SMPD3: variants seen among roughly 807,000 people sequenced by gnomAD.
SMPD3 encodes the protein nSMase-2.
Under a neutral mutation model 55.7 loss-of-function variants are expected in SMPD3, and 21 were observed. The observed-to-expected ratio is 0.38, with a 90% CI of 0.27 to 0.54. SMPD3 has a LOEUF of 0.54. Among genes scored for constraint, SMPD3 ranks in the 20% least tolerant of loss-of-function variants. The pLI, the probability that SMPD3 is intolerant of heterozygous loss-of-function variation, is 0.80. For missense variants in SMPD3, 842 were observed against 899.6 expected (o/e 0.94, Z 0.82); for synonymous variants, 457 against 404.3 (o/e 1.13, Z -1.56).
chr16:68,385,623 AC>A (rs1477833350), intron 2 of SMPD3, among the ~76,000 whole-genome samples: 1 of 152,012 alleles, frequency 6.6e-6, no homozygotes, highest in Non-Finnish European at 1.5e-5. Context: ...CACCCTGGCA[AC>A]CCTGACAACG....
At chr16:68,363,123 C>T (rs549337920) in intron 7 of SMPD3, among the ~76,000 whole-genome samples, 3 of 152,266 alleles carry the variant, frequency 2.0e-5, no homozygotes, top group African/African-American at 7.2e-5. Flanking sequence ...GCCAGGCTGC[C>T]TTCAGCAGGC....
Position 68,359,357 on chromosome 16 carries a change from G to C in SMPD3, c.*1849C>G, listed in dbSNP as rs545317412. 6.6e-6 allele frequency: 1 copy of C among 152,416 alleles called. No individual in the cohort carries two copies. The highest frequency in any genetic ancestry group is 1.5e-5 in the Non-Finnish European group (1 of 68,128). The allele number at this position is 152,416 out of a possible 1,614,324, so 9.4% of individuals were successfully genotyped here. On this transcript the variant is annotated 3_prime_UTR_variant, in exon 9 of 9. Coordinates refer to ENST00000219334, the MANE Select transcript of SMPD3 (RefSeq NM_018667.4). ...GGGCAGAGAGCCCAGCAGGATGCTC[G>C]CCCTCAGCAGCCCCTTCCTGGCTCT... is the stretch of plus-strand genomic sequence containing the variant.
Position 68,371,695 on chromosome 16 carries a change from C to T in SMPD3, c.487G>A (p.Ala163Thr), listed in dbSNP as rs371968328. The change falls in exon 3 of 9, where the codon GCC becomes ACC. Residue 163 changes from alanine to threonine, a missense_variant. Coordinates refer to ENST00000219334, the MANE Select transcript of SMPD3 (RefSeq NM_018667.4). ...ATGTAAATTTTGATCTGGGGCCGGG[C>T]GGCCCCATTGCGGATTCTCTGCCCG... is the stretch of plus-strand genomic sequence containing the variant. Reference protein sequence around the residue: ...EIGQRIRNGAARPQIKIYIDS... With the variant: ...EIGQRIRNGATRPQIKIYIDS... The T allele has an allele frequency of 5.6e-5, 89 of 1,576,336 alleles. No individual in the cohort carries two copies. Among genetic ancestry groups the T allele is most frequent in the East Asian group, 9.0e-5 (4 of 44,460 alleles).
chr16:68,423,526 C>T (rs2090412991), intron 1 of SMPD3, among the ~76,000 whole-genome samples: 1 of 152,170 alleles, frequency 6.6e-6, no homozygotes, highest in Non-Finnish European at 1.5e-5. Flanking sequence ...AGACCCTCAT[C>T]AGATGCGACC....
At chr16:68,443,779 A>G (rs1046190753) in intron 1 of SMPD3, among the ~76,000 whole-genome samples, 1 of 152,276 alleles carries the variant, frequency 6.6e-6, no homozygotes, top group Non-Finnish European at 1.5e-5. Context: ...GCATTTGATT[A>G]TAAACTTACA....
intron 1 of SMPD3, among the ~76,000 whole-genome samples, chr16:68,443,309 C>T (rs188929646): frequency 9.9e-5 from 15 of 152,238 alleles, no homozygotes; most frequent in African/African-American, 3.6e-4. Context: ...TTGGCTGAGG[C>T]CCACACAGTG....
chr16:68,363,001 T>C (rs956518768), intron 7 of SMPD3, among the ~76,000 whole-genome samples: 8 of 152,252 alleles, frequency 5.3e-5, no homozygotes, highest in African/African-American at 1.9e-4. Flanking sequence ...TATGGACATC[T>C]TACTGGGCTC....
chr16:68,430,949 G>A (rs2090475164), intron 1 of SMPD3, among the ~76,000 whole-genome samples: 2 of 152,298 alleles, frequency 1.3e-5, no homozygotes, highest in Admixed American at 1.3e-4. Context: ...CATTGTTGCT[G>A]GAAGCCAGGT....
At chr16:68,377,399 A>T (rs987096584) in intron 2 of SMPD3, among the ~76,000 whole-genome samples, 1 of 152,244 alleles carries the variant, frequency 6.6e-6, no homozygotes, top group African/African-American at 2.4e-5. Flanking sequence ...GGTGTGTGGC[A>T]TTGACAGCCG....
At chr16:68,362,211 T>TC (rs1373981928) in intron 7 of SMPD3, among the ~76,000 whole-genome samples, 1 of 152,160 alleles carries the variant, frequency 6.6e-6, no homozygotes, top group African/African-American at 2.4e-5. Flanking sequence ...AATGGGGCTG[T>TC]CCCTACGTGG....
At chr16:68,429,203 C>T (rs2090460825) in intron 1 of SMPD3, among the ~76,000 whole-genome samples, 2 of 152,212 alleles carry the variant, frequency 1.3e-5, no homozygotes, top group Admixed American at 6.5e-5. Context: ...AAAGCCAATG[C>T]CTGTCTGCTT....
At chr16:68,399,859 G>C (rs1243700420) in intron 1 of SMPD3, among the ~76,000 whole-genome samples, 4 of 152,206 alleles carry the variant, frequency 2.6e-5, no homozygotes, top group African/African-American at 4.8e-5. Context: ...TGACATCCAC[G>C]ATAAACCCAA....
chr16:68,421,969 A>G (rs1353419854), intron 1 of SMPD3, among the ~76,000 whole-genome samples: 2 of 152,240 alleles, frequency 1.3e-5, no homozygotes, highest in Non-Finnish European at 2.9e-5. Context: ...AGATAGGCCC[A>G]ACGTAACGAC....
intron 7 of SMPD3, 117 bp from the exon 8 acceptor site, chr16:68,361,876 G>T: frequency 7.2e-7 from 1 of 1,397,754 alleles, no homozygotes; most frequent in Non-Finnish European, 9.6e-7. Flanking sequence ...TGGGACCAAA[G>T]CGCTGGGTTT....
rs762901829 is a variant in SMPD3, at chr16:68,363,812, C to T, written c.1610G>A (p.Arg537His). 2.7e-5 allele frequency: 43 copies of T among 1,571,322 alleles called. No homozygotes were observed. The highest frequency in any genetic ancestry group is 4.7e-5 in the South Asian group (4 of 85,608). Residue 537 changes from arginine (R) to histidine (H), a missense_variant, in exon 6 of 9, where the codon CGC (arginine) becomes CAC (histidine). Physicochemically the swap from Arg to His is conservative, Grantham distance 29 (BLOSUM62 0). Transcript: ENST00000219334. Reference sequence around the variant, plus strand: ...CGGCTTCTCCTCACCAGGCCCCAGGCGGCAGGGGTCCCTGTAGTGGGTGAA... The same window carrying T: ...CGGCTTCTCCTCACCAGGCCCCAGGTGGCAGGGGTCCCTGTAGTGGGTGAA... ...SLFTHYRDPCRLGPGEEKPWA... is the reference protein window; with the variant it reads ...SLFTHYRDPCHLGPGEEKPWA...
At chr16:68,412,100 C>T (rs1006812636) in intron 1 of SMPD3, among the ~76,000 whole-genome samples, 5 of 152,038 alleles carry the variant, frequency 3.3e-5, no homozygotes, top group African/African-American at 7.2e-5. Context: ...AGTTGCTAGG[C>T]GGAGCTGTGC....
intron 3 of SMPD3, 115 bp downstream of exon 3, chr16:68,370,744 C>A: frequency 7.2e-7 from 1 of 1,397,968 alleles, no homozygotes; most frequent in South Asian, 1.4e-5. Context: ...GCCTCCCACT[C>A]CAACCTCCCA....
chr16:68,416,038 A>G (rs1032768652), intron 1 of SMPD3, among the ~76,000 whole-genome samples: 1 of 152,220 alleles, frequency 6.6e-6, no homozygotes, highest in Non-Finnish European at 1.5e-5. Flanking sequence ...AACCGACAAC[A>G]TCTGCGCTGC....
intron 1 of SMPD3, among the ~76,000 whole-genome samples, chr16:68,408,644 G>C (rs1374420987): frequency 6.6e-6 from 1 of 152,208 alleles, no homozygotes; most frequent in East Asian, 1.9e-4. Context: ...GCATTTGGCA[G>C]TGTCTCGCCT....
Sources: allele counts gnomAD v4.1 joint callset (sites outside exome capture counted in the v4.1 genomes callset), GRCh38; gene constraint gnomAD v4.1.1; transcripts MANE v1.5; gene names NCBI Gene and HGNC (gene_info 2026-07-23, HGNC 2026-07-21).